The following FBXL7 variants were observed in gnomAD, a reference collection of about 807,000 sequenced individuals.
The protein encoded by FBXL7 is F-box/LRR-repeat protein 7.
Under a neutral mutation model 38.3 loss-of-function variants are expected in FBXL7, and 12 were observed. The ratio of observed to expected loss-of-function variants is 0.31; its 90% CI spans 0.20 to 0.51. FBXL7 has a LOEUF of 0.51. Among genes scored for constraint, FBXL7 ranks in the 20% least tolerant of loss-of-function variants. The pLI, the probability that FBXL7 is intolerant of heterozygous loss-of-function variation, is 0.98. For synonymous variants in FBXL7, 297 were observed against 300.9 expected, an observed-to-expected ratio of 0.99 and a Z score of 0.13; for missense variants, 567 against 676.4, an observed-to-expected ratio of 0.84 and a Z score of 1.79.
At chr5:15,610,003 G>C (rs188101371) in intron 1 of FBXL7, among the ~76,000 whole-genome samples, 5 of 152,180 alleles carry the variant, frequency 3.3e-5, no homozygotes, top group Non-Finnish European at 5.9e-5. Context: ...CAAAAAGCAC[G>C]TCTTACATGG....
Position 15,595,311 on chromosome 5 carries a change from C to T in FBXL7, c.38-20672C>T, listed in dbSNP as rs1739596646. ...TGCTGTGGAGGAGTTGAAAATGGAT[C>T]GGGAGGGGAAGAGATGTAATTCGAA... On this transcript the variant is annotated intron_variant, in intron 1 of 3. Transcript: ENST00000504595. Among the ~76,000 whole-genome samples the T allele has an allele frequency of 5.9e-5, 9 of 151,850 alleles. No homozygotes were observed. The South Asian group carries it at 1.2e-3, about 21-fold the overall frequency.
intron 2 of FBXL7, among the ~76,000 whole-genome samples, chr5:15,822,979 C>T (rs1738211978): frequency 6.6e-6 from 1 of 152,138 alleles, no homozygotes; most frequent in Admixed American, 6.5e-5. Flanking sequence ...ACCACCATTC[C>T]AGGGACCACT....
At chr5:15,893,033 G>A (rs899397551) in intron 2 of FBXL7, among the ~76,000 whole-genome samples, 22 of 151,742 alleles carry the variant, frequency 1.4e-4, no homozygotes, top group Non-Finnish European at 2.2e-4. Flanking sequence ...GGAGAATGGC[G>A]CGAACCTGGG....
chr5:15,639,656 C>T (rs1457249695), intron 2 of FBXL7, among the ~76,000 whole-genome samples: 1 of 151,938 alleles, frequency 6.6e-6, no homozygotes, highest in African/African-American at 2.4e-5. Flanking sequence ...TCAAGTTTCT[C>T]ATTTGAGAAA....
At chr5:15,562,742 C>A (rs912569083) in intron 1 of FBXL7, among the ~76,000 whole-genome samples, 6 of 152,044 alleles carry the variant, frequency 3.9e-5, no homozygotes, top group African/African-American at 1.2e-4. Context: ...TTCCCTCTTT[C>A]TTTCACACAT....
chr5:15,771,753 G>A (rs901895349), intron 2 of FBXL7, among the ~76,000 whole-genome samples: 1 of 150,048 alleles, frequency 6.7e-6, no homozygotes, highest in Non-Finnish European at 1.5e-5. Context: ...ACTAATAGAA[G>A]GTCAAAGGAT....
chr5:15,818,111 CAT>C (rs1400053247), intron 2 of FBXL7, among the ~76,000 whole-genome samples: 2 of 151,946 alleles, frequency 1.3e-5, no homozygotes, highest in African/African-American at 2.4e-5. Flanking sequence ...TGCATGTGTG[CAT>C]ATGTGTTTTT....
At chr5:15,891,621 G>T (rs564061725) in intron 2 of FBXL7, among the ~76,000 whole-genome samples, 6 of 152,136 alleles carry the variant, frequency 3.9e-5, no homozygotes, top group Non-Finnish European at 7.3e-5. Flanking sequence ...GGTAAGTACC[G>T]CCAGGATAAA....
chr5:15,815,546 G>A (rs1185045166), intron 2 of FBXL7, among the ~76,000 whole-genome samples: 1 of 152,100 alleles, frequency 6.6e-6, no homozygotes, highest in Non-Finnish European at 1.5e-5. Context: ...CTGCTGATGG[G>A]AAAATTCTGC....
intron 1 of FBXL7, among the ~76,000 whole-genome samples, chr5:15,533,076 G>A (rs1737475986): frequency 6.6e-6 from 1 of 152,194 alleles, no homozygotes; most frequent in Admixed American, 6.5e-5. Context: ...AGACCCGAAT[G>A]GGGATATCCA....
intron 2 of FBXL7, among the ~76,000 whole-genome samples, chr5:15,761,149 T>C (rs983062407): frequency 5.9e-5 from 9 of 152,330 alleles, no homozygotes; most frequent in African/African-American, 1.9e-4. Flanking sequence ...AAAGGTAGCA[T>C]TGAGTTGACA....
At chr5:15,571,526 A>G (rs1305073301) in intron 1 of FBXL7, among the ~76,000 whole-genome samples, 2 of 152,174 alleles carry the variant, frequency 1.3e-5, no homozygotes, top group African/African-American at 4.8e-5. Context: ...AACTAAAATG[A>G]TTTGACCAGG....
chr5:15,519,718 T>G (rs1269079117), intron 1 of FBXL7, among the ~76,000 whole-genome samples: 1 of 152,174 alleles, frequency 6.6e-6, no homozygotes, highest in African/African-American at 2.4e-5. Flanking sequence ...ATTTGGACAT[T>G]CCTAGAAGGA....
At chr5:15,710,630 G>C (rs760281800) in intron 2 of FBXL7, among the ~76,000 whole-genome samples, 3 of 152,040 alleles carry the variant, frequency 2.0e-5, no homozygotes, top group Non-Finnish European at 4.4e-5. Context: ...ATTTTGTTTT[G>C]TGTGCCATAT....
chr5:15,617,127 G>A (rs76069217), intron 2 of FBXL7, among the ~76,000 whole-genome samples: 4,564 of 152,272 alleles, frequency 0.03, 109 homozygotes, highest in East Asian at 0.054. Context: ...GTATGTATAC[G>A]TCTTCTCTTT....
intron 2 of FBXL7, among the ~76,000 whole-genome samples, chr5:15,624,650 T>G (rs992685036): frequency 3.3e-5 from 5 of 152,364 alleles, no homozygotes; most frequent in Admixed American, 3.3e-4. Context: ...AACATCATTT[T>G]CGAGCTGTTG....
chr5:15,669,772 G>T (rs931821058), intron 2 of FBXL7, among the ~76,000 whole-genome samples: 6 of 152,212 alleles, frequency 3.9e-5, no homozygotes, highest in Non-Finnish European at 2.9e-5. Flanking sequence ...TAATGTTAAT[G>T]TGGATTAATA....
intron 2 of FBXL7, among the ~76,000 whole-genome samples, chr5:15,717,956 A>C (rs1423896563): frequency 6.6e-6 from 1 of 152,006 alleles, no homozygotes; most frequent in Non-Finnish European, 1.5e-5. Context: ...GACTCTATCT[A>C]TGTTAATGTT....
At chr5:15,537,263 G>A (rs1317603548) in intron 1 of FBXL7, among the ~76,000 whole-genome samples, 2 of 152,300 alleles carry the variant, frequency 1.3e-5, no homozygotes, top group East Asian at 3.9e-4. Context: ...GGCATAGGAA[G>A]TGAAATATCT....
Sources: allele counts gnomAD v4.1 joint callset (sites outside exome capture counted in the v4.1 genomes callset), GRCh38; gene constraint gnomAD v4.1.1; transcripts MANE v1.5; gene names NCBI Gene and HGNC (gene_info 2026-07-23, HGNC 2026-07-21).